ARMC9: variants seen among roughly 807,000 people sequenced by gnomAD.
ARMC9 encodes the protein armadillo repeat containing 9.
ARMC9 carries 94 observed loss-of-function variants against 107.0 expected under a neutral mutation model. That is an observed-to-expected ratio of 0.88 (90% CI 0.74 to 1.04). The LOEUF (loss-of-function observed/expected upper bound fraction) is 1.04, where lower values mean the gene tolerates loss of function less well. Ranked by LOEUF, ARMC9 falls within the 50% of genes least tolerant of loss-of-function variation. ARMC9 has a pLI of 0.00. For missense variants in ARMC9, 942 were observed against 1,030.1 expected, an observed-to-expected ratio of 0.91 and a Z score of 1.17; for synonymous variants, 380 against 396.9, an observed-to-expected ratio of 0.96 and a Z score of 0.51.
rs561083979 is a variant in ARMC9, at chr2:231,370,092, G to A, written c.2401G>A (p.Gly801Ser). 93 of 1,534,182 alleles carry A rather than the reference G, an allele frequency of 6.1e-5. No homozygotes were observed. The African/African-American group carries it at 6.4e-4, about 11-fold the overall frequency. The change falls in exon 24 of 25, where the codon GGC (glycine) becomes AGC (serine). Residue 801 changes from glycine to serine, a missense_variant. Transcript: ENST00000611582. Reference sequence around the variant, plus strand: ...TGGCCCCCAGCAGGCCAGCCGCCCCGGCTCCACAGCGTCCTCCACAAGGGG... The same window carrying A: ...TGGCCCCCAGCAGGCCAGCCGCCCCAGCTCCACAGCGTCCTCCACAAGGGG... ...SCGPQQASRP[G>S]STASSTRGLP...
intron 19 of ARMC9, among the ~76,000 whole-genome samples, 177 bp downstream of exon 19, chr2:231,296,430 C>T (rs993698405): frequency 2.6e-5 from 4 of 152,222 alleles, no homozygotes; most frequent in Non-Finnish European, 4.4e-5. Context: ...CTTGGGGTCT[C>T]ATGTGGGGAG....
chr2:231,228,071 G>A (rs1335614230), intron 7 of ARMC9, among the ~76,000 whole-genome samples: 1 of 152,194 alleles, frequency 6.6e-6, no homozygotes, highest in Non-Finnish European at 1.5e-5. Context: ...AGCTCTGCAG[G>A]CCCGCTCTCT....
intron 19 of ARMC9, among the ~76,000 whole-genome samples, chr2:231,315,374 T>G (rs1178191184): frequency 6.6e-6 from 1 of 151,220 alleles, no homozygotes; most frequent in Non-Finnish European, 1.5e-5. Context: ...CCATCTCTAC[T>G]AAAAATACAA....
At chr2:231,199,248 G>GA (rs2030321584) in intron 1 of ARMC9, among the ~76,000 whole-genome samples, 4 of 152,312 alleles carry the variant, frequency 2.6e-5, no homozygotes, top group South Asian at 4.1e-4. Context: ...AATGTAACTG[G>GA]AAAAGTTTTT....
chr2:231,248,603 T>G (rs1221577609), intron 9 of ARMC9, among the ~76,000 whole-genome samples: 5 of 151,848 alleles, frequency 3.3e-5, no homozygotes, highest in Non-Finnish European at 7.4e-5. Context: ...GGTCAGGAGT[T>G]CGAGACCAGC....
intron 21 of ARMC9, among the ~76,000 whole-genome samples, chr2:231,347,462 A>G (rs1031207371): frequency 2.0e-5 from 3 of 152,068 alleles, no homozygotes; most frequent in Admixed American, 6.5e-5. Flanking sequence ...TACACTGGGT[A>G]CTCCAGACGG....
intron 9 of ARMC9, among the ~76,000 whole-genome samples, chr2:231,243,178 C>T (rs1250523905): frequency 6.6e-6 from 1 of 150,626 alleles, no homozygotes; most frequent in Non-Finnish European, 1.5e-5. Context: ...ACCCGGGAGG[C>T]GGAGCTTGCA....
At chr2:231,350,819 AT>A (rs1176610384) in intron 21 of ARMC9, among the ~76,000 whole-genome samples, 2 of 148,774 alleles carry the variant, frequency 1.3e-5, no homozygotes, top group Non-Finnish European at 3.0e-5. Flanking sequence ...GGGATCTAAG[AT>A]TTTCCAACTT....
At chr2:231,289,257 A>G (rs529226947) in intron 17 of ARMC9, among the ~76,000 whole-genome samples, 3 of 152,276 alleles carry the variant, frequency 2.0e-5, no homozygotes, top group South Asian at 2.1e-4. Context: ...ACTTGAGCCC[A>G]GGAGTTCGAG....
intron 19 of ARMC9, among the ~76,000 whole-genome samples, chr2:231,309,229 G>A (rs561540822): frequency 7.2e-5 from 11 of 152,264 alleles, no homozygotes; most frequent in Non-Finnish European, 1.5e-5. Flanking sequence ...ATAGACATCC[G>A]ATGGCTCAAA....
intron 1 of ARMC9, among the ~76,000 whole-genome samples, chr2:231,202,231 A>G (rs919404514): frequency 2.0e-5 from 3 of 151,460 alleles, no homozygotes; most frequent in Non-Finnish European, 2.9e-5. Context: ...AACTCCCAGC[A>G]TCAGGCGATC....
intron 9 of ARMC9, among the ~76,000 whole-genome samples, chr2:231,246,150 T>C (rs2036743356): frequency 1.3e-5 from 2 of 152,248 alleles, no homozygotes; most frequent in Admixed American, 1.3e-4. Context: ...AATGCTCTTT[T>C]TCTTCAACAA....
intron 9 of ARMC9, 71 bp downstream of exon 9, chr2:231,240,112 A>C: frequency 6.4e-6 from 8 of 1,250,046 alleles, no homozygotes; most frequent in Non-Finnish European, 9.1e-6. Context: ...GTAACTTTAA[A>C]AATAGCATGA....
chr2:231,301,970 C>T (rs1407848832), intron 19 of ARMC9, among the ~76,000 whole-genome samples: 1 of 151,396 alleles, frequency 6.6e-6, no homozygotes, highest in Admixed American at 6.6e-5. Context: ...AGCAAGACTC[C>T]ATCTCAAAAA....
At chr2:231,227,178 A>C (rs777278823) in intron 7 of ARMC9, among the ~76,000 whole-genome samples, 2 of 152,204 alleles carry the variant, frequency 1.3e-5, no homozygotes, top group Non-Finnish European at 2.9e-5. Context: ...TGAACTAGTC[A>C]ACTGGGGTCT....
chr2:231,272,447 A>G (rs2039417489), intron 13 of ARMC9, among the ~76,000 whole-genome samples: 1 of 151,972 alleles, frequency 6.6e-6, no homozygotes, highest in African/African-American at 2.4e-5. Flanking sequence ...TACCTGCCTC[A>G]GCCTCCCAAA....
At chr2:231,368,004 A>G (rs890518332) in intron 23 of ARMC9, among the ~76,000 whole-genome samples, 1 of 151,994 alleles carries the variant, frequency 6.6e-6, no homozygotes, top group African/African-American at 2.4e-5. Flanking sequence ...ATAAATTAAA[A>G]TAAGTTAACT....
rs1377474401 is a variant in ARMC9, at chr2:231,255,088, A to C, written c.880-1498A>C. ...TTTTTACAGTTGGTTTATTTGAGTCAGTTCAAACAAGCACTACACACTGTA... is the reference window on the plus strand; with the variant it reads ...TTTTTACAGTTGGTTTATTTGAGTCCGTTCAAACAAGCACTACACACTGTA... On this transcript the variant is annotated intron_variant, in intron 9 of 24. Coordinates refer to ENST00000611582, the MANE Select transcript of ARMC9 (RefSeq NM_001352754.2). The surrounding 1 kb of genome is among the most constrained non-coding windows in gnomAD (Gnocchi z 4.7). Among the ~76,000 whole-genome samples the C allele has an allele frequency of 6.6e-6, 1 of 152,126 alleles. No homozygotes were observed. The highest frequency in any genetic ancestry group is 2.4e-5 in the African/African-American group (1 of 41,426).
At chr2:231,279,445 T>A (rs927357769) in intron 16 of ARMC9, among the ~76,000 whole-genome samples, 5 of 152,128 alleles carry the variant, frequency 3.3e-5, no homozygotes, top group Non-Finnish European at 7.3e-5. Context: ...AGGATACGAT[T>A]GAGTACCACT....
Sources: allele counts gnomAD v4.1 joint callset (sites outside exome capture counted in the v4.1 genomes callset), GRCh38; gene constraint gnomAD v4.1.1; non-coding constraint Gnocchi (gnomAD v3.1); transcripts MANE v1.5; gene names NCBI Gene and HGNC (gene_info 2026-07-23, HGNC 2026-07-21).